Variants in ADCY5 observed in about 807,000 individuals in gnomAD.
ADCY5 encodes the protein adenylate cyclase type 5.
In ADCY5, 30 loss-of-function variants were observed where a neutral mutation model predicts 119.7. The ratio of observed to expected loss-of-function variants is 0.25; its 90% CI spans 0.19 to 0.34. ADCY5 has a LOEUF of 0.34. Among genes scored for constraint, ADCY5 ranks in the 10% least tolerant of loss-of-function variants. The probability of loss-of-function intolerance (pLI) is 1.00; values close to 1 mark genes in which losing one functional copy is unlikely to be tolerated. For missense variants in ADCY5, 1,324 were observed against 1,775.2 expected (o/e 0.75, Z 4.57); for synonymous variants, 753 against 762.2 (o/e 0.99, Z 0.20).
At chr3:123,327,595 C>T in intron 7 of ADCY5, 23 bp downstream of exon 7, 2 of 1,607,406 alleles carry the variant, frequency 1.2e-6, no homozygotes, top group Non-Finnish European at 1.7e-6. Flanking sequence ...GCCCCTCAGC[C>T]CCCCGGCCCC....
intron 1 of ADCY5, among the ~76,000 whole-genome samples, chr3:123,407,842 A>G (rs1944940573): frequency 6.7e-6 from 1 of 148,786 alleles, no homozygotes; most frequent in Non-Finnish European, 1.5e-5. Flanking sequence ...CTTATAGGAC[A>G]TATCCAGAAT....
rs1942623352 is a variant in ADCY5 at position 123,347,694 on chromosome 3, G to A, written c.1406+88C>T. Reference sequence around the variant, plus strand: ...CAAAGTCACCAAGCCACCCTGTCGGGCTGTGCCCACTTGAAAGGAAGTGGG... The same window carrying A: ...CAAAGTCACCAAGCCACCCTGTCGGACTGTGCCCACTTGAAAGGAAGTGGG... On this transcript the variant is annotated intron_variant, in intron 3 of 20. Coordinates refer to ENST00000462833, the MANE Select transcript of ADCY5 (RefSeq NM_183357.3). 3.8e-5 allele frequency: 55 copies of A among 1,457,816 alleles called. 1 individual carries two copies. In the South Asian group the frequency reaches 6.7e-4, roughly 18 times the overall value. The allele number at this position is 1,457,816 out of a possible 1,614,324, so 90.3% of individuals were successfully genotyped here.
Position 123,285,957 on chromosome 3 carries a change from G to A in ADCY5, c.3657+728C>T, listed in dbSNP as rs950295645. On this transcript the variant is annotated intron_variant, in intron 20 of 20. Coordinates refer to ENST00000462833, the MANE Select transcript of ADCY5 (RefSeq NM_183357.3). ...TCAGGACATTTAAGCAGTATCATCA[G>A]TGTTGGCAAAAGGCCTTAAAAGCAG... 9.2e-5 allele frequency among the ~76,000 whole-genome samples: 14 copies of A among 152,316 alleles called. No homozygotes were observed. In the Middle Eastern group the frequency reaches 0.017, roughly 185 times the overall value.
At chr3:123,411,674 G>C (rs1044960332) in intron 1 of ADCY5, among the ~76,000 whole-genome samples, 2 of 152,236 alleles carry the variant, frequency 1.3e-5, no homozygotes, top group Non-Finnish European at 2.9e-5. Flanking sequence ...CCCAGGACTC[G>C]TTCCAGAGGC....
chr3:123,442,327 C>T (rs767193808), intron 1 of ADCY5, among the ~76,000 whole-genome samples: 1 of 152,202 alleles, frequency 6.6e-6, no homozygotes, highest in Non-Finnish European at 1.5e-5. Flanking sequence ...GAGGCTCCCT[C>T]CTCAGGTCCC....
chr3:123,392,028 C>T (rs1438658681), intron 1 of ADCY5, among the ~76,000 whole-genome samples: 1 of 152,220 alleles, frequency 6.6e-6, no homozygotes, highest in African/African-American at 2.4e-5. Flanking sequence ...TCAGCAGCTG[C>T]TGAAAGCCTG....
chr3:123,318,503 T>C (rs943606396), intron 10 of ADCY5, among the ~76,000 whole-genome samples: 2 of 152,172 alleles, frequency 1.3e-5, no homozygotes, highest in African/African-American at 4.8e-5. Context: ...CTGTCATTTC[T>C]TCTTCAGAGA....
chr3:123,428,116 T>A (rs1345247059), intron 1 of ADCY5, among the ~76,000 whole-genome samples: 1 of 152,208 alleles, frequency 6.6e-6, no homozygotes, highest in Non-Finnish European at 1.5e-5. Flanking sequence ...CCACCTGGCC[T>A]TGTGACTCTC....
chr3:123,388,882 G>A (rs1375612471), intron 1 of ADCY5, among the ~76,000 whole-genome samples: 2 of 152,208 alleles, frequency 1.3e-5, no homozygotes, highest in African/African-American at 4.8e-5. Context: ...GGGCCAGTGG[G>A]GAGTTGGAGG....
At chr3:123,389,309 C>G (rs1053287378) in intron 1 of ADCY5, among the ~76,000 whole-genome samples, 1 of 152,092 alleles carries the variant, frequency 6.6e-6, no homozygotes, top group Non-Finnish European at 1.5e-5. Flanking sequence ...AACAGCAAAT[C>G]TCCTCAGAAG....
Position 123,332,754 on chromosome 3 carries a change from T to G in ADCY5, c.1407-79A>C, listed in dbSNP as rs941685966. On this transcript the variant is annotated intron_variant, in intron 3 of 20. Transcript: ENST00000462833. ...CCCAAATTCATACATTACATCTTTT[T>G]TTTCTTTTCTTTTTTTTTAAGAAGA... is the stretch of plus-strand genomic sequence containing the variant. The G allele has an allele frequency of 9.3e-6, 9 of 969,478 alleles. No homozygotes were observed. In the African/African-American group the frequency reaches 1.1e-4, roughly 12 times the overall value. 60.1% of individuals were successfully genotyped at this position (969,478 alleles called of 1,614,324 possible).
chr3:123,286,406 C>T lies in ADCY5; in HGVS notation c.3657+279G>A, dbSNP rs901670520. On this transcript the variant is annotated intron_variant, in intron 20 of 20. Coordinates refer to ENST00000462833, the MANE Select transcript of ADCY5 (RefSeq NM_183357.3). The surrounding 1 kb of genome is among the most constrained non-coding windows in gnomAD (Gnocchi z 4.2). Reference sequence around the variant, plus strand: ...GGGGCCTGCATGTGCACTCTCAGCTCGGCCTCTACAATCAGATCCACTCCC... The same window carrying T: ...GGGGCCTGCATGTGCACTCTCAGCTTGGCCTCTACAATCAGATCCACTCCC... Among the ~76,000 whole-genome samples the T allele has an allele frequency of 5.9e-5, 9 of 152,186 alleles. No individual in the cohort carries two copies. Among genetic ancestry groups the T allele is most frequent in the Admixed American group, 2.0e-4 (3 of 15,290 alleles).
rs77022030 is a variant in ADCY5 at position 123,419,053 on chromosome 3, G to A, written c.1134+28359C>T. 1,963 of 768,722 alleles carry A rather than the reference G, an allele frequency of 2.6e-3. 4 individuals are homozygous for A. Among genetic ancestry groups the A allele is most frequent in the Admixed American group, 6.8e-3 (109 of 16,036 alleles). The allele number at this position is 768,722 out of a possible 1,614,324, so 47.6% of individuals were successfully genotyped here. ...CAGCTCATGGGTCTTCTCAGTCTCC[G>A]TAACGGCATGAGCCAATCCCCCACA... On this transcript the variant is annotated intron_variant, in intron 1 of 20. Transcript: ENST00000462833.
chr3:123,398,262 C>T (rs1944659739), intron 1 of ADCY5, among the ~76,000 whole-genome samples: 1 of 152,098 alleles, frequency 6.6e-6, no homozygotes, highest in African/African-American at 2.4e-5. Context: ...CTCCCCCTGC[C>T]CCTCTACTGG....
At chr3:123,421,479 T>A (rs764011860) in intron 1 of ADCY5, among the ~76,000 whole-genome samples, 7 of 152,088 alleles carry the variant, frequency 4.6e-5, no homozygotes, top group Non-Finnish European at 8.8e-5. Flanking sequence ...ACAGACATTA[T>A]CTCATCATGA....
intron 3 of ADCY5, 74 bp from the exon 4 acceptor site, chr3:123,332,749 C>G: frequency 1.0e-6 from 1 of 981,276 alleles, no homozygotes; most frequent in East Asian, 2.6e-5. Context: ...TACATTACAT[C>G]TTTTTTTTCT....
At chr3:123,295,949 G>C (rs376595428) in intron 17 of ADCY5, 135 bp downstream of exon 17, 2 of 1,318,500 alleles carry the variant, frequency 1.5e-6, no homozygotes, top group African/African-American at 2.9e-5. Context: ...AAGTGGCTTC[G>C]ATGGGGCCTG....
In ADCY5 at chr3:123,317,750, C is replaced by CA. The variant is rs71142731; in HGVS notation, c.2354+269dup. ...ACGCTGTGTCCCCACCACGCCGACC[C>CA]AAAAAAAAAAAAAAAAGAAGCATCT... On this transcript the variant is annotated intron_variant, in intron 11 of 20. Transcript: ENST00000462833. Among the ~76,000 whole-genome samples the CA allele has an allele frequency of 0.54, 72,168 of 133,476 alleles. 19,638 individuals are homozygous for CA. Among genetic ancestry groups the CA allele is most frequent in the East Asian group, 0.82 (3,719 of 4,536 alleles). The allele number at this position is 133,476 out of a possible 152,430, so 87.6% of individuals were successfully genotyped here.
At chr3:123,363,295 A>G (rs1388809463) in intron 1 of ADCY5, among the ~76,000 whole-genome samples, 2 of 152,200 alleles carry the variant, frequency 1.3e-5, no homozygotes, top group East Asian at 3.8e-4. Flanking sequence ...ATAACAATAA[A>G]AGCAGTATTT....
Sources: allele counts gnomAD v4.1 joint callset (sites outside exome capture counted in the v4.1 genomes callset), GRCh38; gene constraint gnomAD v4.1.1; non-coding constraint Gnocchi (gnomAD v3.1); transcripts MANE v1.5; gene names NCBI Gene and HGNC (gene_info 2026-07-23, HGNC 2026-07-21).